KIT: variants seen among roughly 807,000 people sequenced by gnomAD.
KIT encodes mast/stem cell growth factor receptor Kit.
KIT carries 16 observed loss-of-function variants against 105.7 expected under a neutral mutation model. The ratio of observed to expected loss-of-function variants is 0.15; its 90% confidence interval spans 0.10 to 0.23. KIT has a LOEUF of 0.23. Among genes scored for constraint, KIT ranks in the 10% least tolerant of loss-of-function variants. The pLI is 1.00. For missense variants in KIT, 858 were observed against 1,213.8 expected, an observed-to-expected ratio of 0.71 and a Z score of 4.36; for synonymous variants, 438 against 441.1, an observed-to-expected ratio of 0.99 and a Z score of 0.09.
chr4:54,679,776 A>G (rs1718770999), intron 1 of KIT, among the ~76,000 whole-genome samples: 2 of 152,240 alleles, frequency 1.3e-5, no homozygotes, highest in Non-Finnish European at 2.9e-5. Context: ...TAAAATGTCA[A>G]GACGAATGGA....
intron 8 of KIT, among the ~76,000 whole-genome samples, chr4:54,724,963 A>G (rs1722128340): frequency 6.6e-6 from 1 of 152,202 alleles, no homozygotes; most frequent in African/African-American, 2.4e-5. Flanking sequence ...GGTGTTTAGA[A>G]TAGGGAAGTC....
At position 54,725,954 on chromosome 4, in the gene KIT, G is replaced by T. The variant is rs1060502569; in HGVS notation, c.1444G>T (p.Ala482Ser). The T allele has an allele frequency of 6.2e-7, 1 of 1,614,070 alleles. No homozygotes were observed. Among genetic ancestry groups the T allele is most frequent in the Non-Finnish European group, 8.5e-7 (1 of 1,179,936 alleles). ...LVVQSSIDSS[A>S]FKHNGTVECK... ...GGTTCAGAGTTCTATAGATTCTAGT[G>T]CATTCAAGCACAATGGCACGGTTGA... Residue 482 changes from alanine to serine, a missense_variant, in exon 9 of 21, where the codon GCA (alanine) becomes TCA (serine). By Grantham distance (99) the Ala-to-Ser change is moderately conservative. Transcript: ENST00000288135.
intron 1 of KIT, among the ~76,000 whole-genome samples, chr4:54,692,549 T>C (rs989714626): frequency 1.3e-5 from 2 of 152,268 alleles, no homozygotes; most frequent in Non-Finnish European, 2.9e-5. Context: ...TGAAATAGAT[T>C]GCAGTATAAA....
intron 1 of KIT, among the ~76,000 whole-genome samples, chr4:54,683,692 C>T (rs1311891777): frequency 6.6e-6 from 1 of 152,226 alleles, no homozygotes; most frequent in Non-Finnish European, 1.5e-5. Context: ...GTCGTTGCTG[C>T]TGGGTCCTCT....
chr4:54,726,173 C>A, intron 9 of KIT, 123 bp downstream of exon 9: 1 of 792,132 alleles, frequency 1.3e-6, no homozygotes, highest in Non-Finnish European at 2.1e-6. Context: ...TCACACCATA[C>A]TGTCATCAAA....
chr4:54,672,622 G>A (rs930204468), intron 1 of KIT, among the ~76,000 whole-genome samples: 1 of 152,122 alleles, frequency 6.6e-6, no homozygotes, highest in Non-Finnish European at 1.5e-5. Context: ...CAATCAGCAA[G>A]CATATTCTAC....
At chr4:54,692,699 C>G (rs1429092612) in intron 1 of KIT, among the ~76,000 whole-genome samples, 1 of 152,176 alleles carries the variant, frequency 6.6e-6, no homozygotes, top group Non-Finnish European at 1.5e-5. Context: ...GTGCTCTGTA[C>G]AACTCTGAAA....
rs915272994 is a variant in KIT at position 54,707,238 on chromosome 4, A to G, written c.1066A>G (p.Thr356Ala). The G allele has an allele frequency of 1.2e-6, 2 of 1,612,898 alleles. No homozygotes were observed. The highest frequency in any genetic ancestry group is 2.7e-5 in the African/African-American group (2 of 74,918). The change falls in exon 6 of 21, where the codon ACT (threonine) becomes GCT (alanine). Residue 356 changes from threonine (T) to alanine (A), a missense_variant. By Grantham distance (58) the Thr-to-Ala change is moderately conservative. Around this residue, in one of 7 missense-constraint regions of KIT, gnomAD observed 401 missense variants for 601.0 expected, o/e 0.67. Transcript: ENST00000288135. ...QQWIYMNRTF[T>A]DKWEDYPKSE... ...GTGGATCTATATGAACAGAACCTTC[A>G]CTGATAAATGGGAAGATTATCCCAA...
chr4:54,661,882 TG>T (rs1414644744), intron 1 of KIT, among the ~76,000 whole-genome samples: 1 of 152,232 alleles, frequency 6.6e-6, no homozygotes, highest in African/African-American at 2.4e-5. Flanking sequence ...CCAGCAGCTC[TG>T]ATTTCTGACA....
chr4:54,695,522 A>C lies in KIT; in HGVS notation c.78A>C (p.Gln26His), dbSNP rs764782713. 6.2e-7 allele frequency: 1 copy of C among 1,614,214 alleles called. No homozygotes were observed. The highest frequency in any genetic ancestry group is 1.1e-5 in the South Asian group (1 of 91,090). Residue 26 changes from glutamine (Q) to histidine (H), a missense_variant, in exon 2 of 21, where the codon CAA becomes CAC. Transcript: ENST00000288135. Reference protein sequence around the residue: ...LLLRVQTGSSQPSVSPGEPSP... With the variant: ...LLLRVQTGSSHPSVSPGEPSP... Reference sequence around the variant, plus strand: ...TGTTTTTCTTGGCAGGCTCTTCTCAACCATCTGTGAGTCCAGGGGAACCGT... The same window carrying C: ...TGTTTTTCTTGGCAGGCTCTTCTCACCCATCTGTGAGTCCAGGGGAACCGT...
chr4:54,732,983 C>CA, intron 16 of KIT, 87 bp from the exon 17 acceptor site: 1 of 1,103,280 alleles, frequency 9.1e-7, no homozygotes, highest in Non-Finnish European at 1.4e-6. Flanking sequence ...ATAATATAAG[C>CA]AACACTATAG....
At position 54,709,429 on chromosome 4, in the gene KIT, T is replaced by C. The variant is rs1720997799; in HGVS notation, c.1121T>C (p.Val374Ala). 1 of 1,603,598 alleles carries C rather than the reference T, an allele frequency of 6.2e-7. No individual in the cohort carries two copies. Among genetic ancestry groups the C allele is most frequent in the African/African-American group, 1.3e-5 (1 of 74,708 alleles). ...TAGTTGTCTTTTCTTTGTAGATACG[T>C]AAGTGAACTTCATCTAACGAGATTA... ...KSENESNIRY[V>A]SELHLTRLKG... is the part of the protein sequence containing the mutation. The change falls in exon 7 of 21, where the codon GTA becomes GCA. Residue 374 changes from valine to alanine, a missense_variant. Physicochemically the swap from Val to Ala is moderately conservative, Grantham distance 64. Transcript: ENST00000288135.
chr4:54,691,575 G>C (rs536797751), intron 1 of KIT, among the ~76,000 whole-genome samples: 1 of 152,074 alleles, frequency 6.6e-6, no homozygotes, highest in Non-Finnish European at 1.5e-5. Context: ...GGTTGGGTCC[G>C]GGGAAAACAG....
intron 1 of KIT, among the ~76,000 whole-genome samples, chr4:54,665,058 A>G (rs1717593357): frequency 6.6e-6 from 1 of 152,102 alleles, no homozygotes; most frequent in Non-Finnish European, 1.5e-5. Context: ...TCCTTCCCCC[A>G]GCTTCTGGCA....
chr4:54,714,951 T>C (rs1340895367), intron 7 of KIT, among the ~76,000 whole-genome samples: 1 of 152,166 alleles, frequency 6.6e-6, no homozygotes, highest in Non-Finnish European at 1.5e-5. Flanking sequence ...ACTGCTGAAG[T>C]GCACCAAATT....
At chr4:54,724,260 A>G (rs1194499708) in intron 8 of KIT, among the ~76,000 whole-genome samples, 4 of 152,196 alleles carry the variant, frequency 2.6e-5, no homozygotes, top group Admixed American at 2.0e-4. Flanking sequence ...CTTTTGCATT[A>G]CCTGAAGACG....
chr4:54,720,493 AT>A (rs1721798900), intron 7 of KIT, among the ~76,000 whole-genome samples: 1 of 152,218 alleles, frequency 6.6e-6, no homozygotes, highest in African/African-American at 2.4e-5. Flanking sequence ...AATGGAATTG[AT>A]TATGTAATTT....
chr4:54,723,787 TA>T (rs1722046536), intron 8 of KIT, 89 bp downstream of exon 8: 3 of 884,444 alleles, frequency 3.4e-6, no homozygotes, highest in East Asian at 2.5e-5. Context: ...TGATTTTTTT[TA>T]AAAAAGCTTT....
intron 6 of KIT, 143 bp downstream of exon 6, chr4:54,707,430 C>G (rs1720862924): frequency 1.5e-6 from 1 of 665,804 alleles, no homozygotes; most frequent in Admixed American, 2.3e-5. Flanking sequence ...ATGTCCTCAT[C>G]CTAGTATTCC....
Sources: gnomAD v4.1 joint callset for allele counts (sites outside exome capture counted in the v4.1 genomes callset) on GRCh38, gnomAD v4.1.1 for gene constraint, gnomAD v4.1.1 regional missense constraint, MANE v1.5 for transcripts, NCBI Gene and HGNC (gene_info 2026-07-23, HGNC 2026-07-21) for gene names.